Variants in CLDN16 observed in about 807,000 individuals in gnomAD.
The protein encoded by CLDN16 is claudin-16.
A neutral mutation model predicts 24.6 loss-of-function variants in CLDN16; 13 were observed. That is an observed-to-expected ratio of 0.53 (90% confidence interval 0.34 to 0.84). The LOEUF (loss-of-function observed/expected upper bound fraction) is 0.84. CLDN16 is among the 40% of genes least tolerant of loss of function. The pLI is 0.01. For missense variants in CLDN16, 298 were observed against 292.7 expected, an observed-to-expected ratio of 1.02 and a Z score of -0.13; for synonymous variants, 116 against 106.7, an observed-to-expected ratio of 1.09 and a Z score of -0.54.
At chr3:190,323,247 G>A (rs1248528316) in intron 1 of CLDN16, among the ~76,000 whole-genome samples, 3 of 152,150 alleles carry the variant, frequency 2.0e-5, no homozygotes, top group Admixed American at 1.3e-4. Flanking sequence ...ATTATCAGAG[G>A]GACCTGGCCA....
chr3:190,388,451 G>A lies in CLDN16; in HGVS notation c.114+8G>A, dbSNP rs1432085889. 1 of 1,613,612 alleles carries A rather than the reference G, an allele frequency of 6.2e-7. No individual in the cohort carries two copies. Among genetic ancestry groups the A allele is most frequent in the Admixed American group, 1.7e-5 (1 of 60,018 alleles). The stretch of plus-strand genomic sequence containing the variant: ...GCTGATGACTCTCTGGAGGTAAGAA[G>A]ATAGCAGCTTCTTTTCATGATCCAG... On this transcript the variant is annotated splice_region_variant and intron_variant, in intron 1 of 4. Coordinates refer to ENST00000264734, the MANE Select transcript of CLDN16 (RefSeq NM_006580.4).
the CLDN16 span, among the ~76,000 whole-genome samples, chr3:190,314,841 T>C: frequency 6.6e-6 from 1 of 152,200 alleles, no homozygotes; most frequent in African/African-American, 2.4e-5. Context: ...ACTGACCTCC[T>C]CATAAGCATG....
intron 1 of CLDN16, among the ~76,000 whole-genome samples, chr3:190,340,062 C>G (rs907725040): frequency 1.3e-5 from 2 of 152,128 alleles, no homozygotes; most frequent in Admixed American, 6.5e-5. Context: ...AGTCAAAAAG[C>G]CACATGATCA....
chr3:190,404,268 T>G (rs186107748), intron 2 of CLDN16, among the ~76,000 whole-genome samples: 28 of 152,300 alleles, frequency 1.8e-4, no homozygotes, highest in Middle Eastern at 3.4e-3. Flanking sequence ...TATCCTGAAC[T>G]GGCAAAAAGA....
At chr3:190,409,095 A>G (rs116190168) in intron 4 of CLDN16, among the ~76,000 whole-genome samples, 1,717 of 151,406 alleles carry the variant, frequency 0.011, 29 homozygotes, top group African/African-American at 0.04. Flanking sequence ...ATTGTAATTC[A>G]GTTGCCCTTG....
intron 1 of CLDN16, among the ~76,000 whole-genome samples, chr3:190,360,709 A>T (rs1296212784): frequency 6.6e-6 from 1 of 151,242 alleles, no homozygotes. Context: ...TCTCGGATTA[A>T]CTTTTTTTTC....
At chr3:190,368,181 G>A (rs1718063398) in intron 1 of CLDN16, among the ~76,000 whole-genome samples, 1 of 151,952 alleles carries the variant, frequency 6.6e-6, no homozygotes, top group Admixed American at 6.6e-5. Flanking sequence ...TTGATGATCT[G>A]TTACTTCTGA....
chr3:190,401,074 CTG>C (rs1316560148), intron 1 of CLDN16, among the ~76,000 whole-genome samples: 1 of 152,080 alleles, frequency 6.6e-6, no homozygotes, highest in East Asian at 1.9e-4. Context: ...GGTATAGACT[CTG>C]TATTGAATAA....
the CLDN16 span, among the ~76,000 whole-genome samples, chr3:190,314,791 A>C: frequency 6.6e-5 from 10 of 152,200 alleles, no homozygotes; most frequent in African/African-American, 2.4e-4. Context: ...ACTTGATTTC[A>C]TTTAAAAATA....
At chr3:190,314,334 G>A in the CLDN16 span, among the ~76,000 whole-genome samples, 10 of 152,224 alleles carry the variant, frequency 6.6e-5, no homozygotes, top group East Asian at 1.9e-3. Flanking sequence ...ATTAAATCTT[G>A]ATTTACTGAT....
chr3:190,379,780 A>G (rs935628355), intron 3 of CLDN16, among the ~76,000 whole-genome samples: 1 of 152,120 alleles, frequency 6.6e-6, no homozygotes, highest in African/African-American at 2.4e-5. Context: ...GTTTCCCTTT[A>G]GGAACACTCC....
At chr3:190,369,596 T>A (rs1044330802) in intron 1 of CLDN16, among the ~76,000 whole-genome samples, 4 of 151,984 alleles carry the variant, frequency 2.6e-5, no homozygotes, top group Admixed American at 6.6e-5. Flanking sequence ...AGAAATTGTA[T>A]GTATATCTTA....
At chr3:190,407,680 A>T (rs964311677) in intron 3 of CLDN16, among the ~76,000 whole-genome samples, 1 of 152,158 alleles carries the variant, frequency 6.6e-6, no homozygotes, top group Non-Finnish European at 1.5e-5. Flanking sequence ...AGGGAATAAC[A>T]TTTCTTGGTC....
chr3:190,300,754 C>G, the CLDN16 span, among the ~76,000 whole-genome samples: 1 of 152,146 alleles, frequency 6.6e-6, no homozygotes, highest in Non-Finnish European at 1.5e-5. Context: ...AAGTCTAACT[C>G]TGTCTTGGCA....
chr3:190,297,654 A>G, the CLDN16 span, among the ~76,000 whole-genome samples: 43 of 142,040 alleles, frequency 3.0e-4, no homozygotes, highest in African/African-American at 1.1e-3. Context: ...TATCTATATT[A>G]TATATCTATA....
intron 1 of CLDN16, among the ~76,000 whole-genome samples, chr3:190,360,710 C>CA (rs1016045757): frequency 6.6e-5 from 10 of 151,552 alleles, no homozygotes; most frequent in Non-Finnish European, 1.3e-4. Context: ...CTCGGATTAA[C>CA]TTTTTTTTCT....
intron 1 of CLDN16, among the ~76,000 whole-genome samples, chr3:190,346,965 G>A (rs1057470263): frequency 2.0e-5 from 3 of 152,202 alleles, no homozygotes; most frequent in Admixed American, 6.5e-5. Flanking sequence ...AAGTTCACAC[G>A]CCGAGGTTTG....
chr3:190,325,606 A>C (rs1007212273), intron 1 of CLDN16, among the ~76,000 whole-genome samples: 6 of 152,216 alleles, frequency 3.9e-5, no homozygotes, highest in African/African-American at 1.4e-4. Flanking sequence ...AATAAGTAGA[A>C]GAGATATACA....
chr3:190,402,557 G>A (rs536119123), intron 2 of CLDN16, 118 bp downstream of exon 2: 2 of 769,554 alleles, frequency 2.6e-6, no homozygotes, highest in East Asian at 5.1e-5. Flanking sequence ...GGTCCAGTTT[G>A]TAATGGTTAG....
Sources: allele counts gnomAD v4.1 joint callset (sites outside exome capture counted in the v4.1 genomes callset), GRCh38; gene constraint gnomAD v4.1.1; transcripts MANE v1.5; gene names NCBI Gene and HGNC (gene_info 2026-07-23, HGNC 2026-07-21).